PTPRT: variants seen among roughly 807,000 people sequenced by gnomAD.
PTPRT encodes protein tyrosine phosphatase receptor type T.
A neutral mutation model predicts 176.8 loss-of-function variants in PTPRT; 56 were observed. The observed-to-expected ratio is 0.32, with a 90% CI of 0.26 to 0.40. PTPRT has a LOEUF of 0.40. Ranked by LOEUF, PTPRT falls within the 10% of genes least tolerant of loss-of-function variation. The pLI is 1.00. For synonymous variants in PTPRT, 783 were observed against 739.0 expected (o/e 1.06, Z -0.96); for missense variants, 1,540 against 1,908.2 (o/e 0.81, Z 3.60).
At chr20:42,275,937 C>A (rs1356003751) in intron 13 of PTPRT, among the ~76,000 whole-genome samples, 1 of 152,128 alleles carries the variant, frequency 6.6e-6, no homozygotes, top group Non-Finnish European at 1.5e-5. Context: ...AACCCTCCAG[C>A]CACACAGTCT....
intron 6 of PTPRT, among the ~76,000 whole-genome samples, chr20:42,720,361 T>C (rs2076285939): frequency 6.6e-6 from 1 of 152,172 alleles, no homozygotes; most frequent in Admixed American, 6.5e-5. Context: ...GGTCACATGG[T>C]TGTGTCTGAC....
intron 1 of PTPRT, among the ~76,000 whole-genome samples, chr20:43,051,117 AG>A (rs2146232722): frequency 6.6e-6 from 1 of 152,354 alleles, no homozygotes; most frequent in South Asian, 2.1e-4. Flanking sequence ...AGGTGGAGAG[AG>A]GCTGAAAGCA....
intron 7 of PTPRT, among the ~76,000 whole-genome samples, chr20:42,554,198 G>A (rs946236803): frequency 6.6e-6 from 1 of 151,910 alleles, no homozygotes; most frequent in Non-Finnish European, 1.5e-5. Flanking sequence ...CCATTCAGGG[G>A]CATCCTTAAA....
chr20:43,056,346 C>T lies in PTPRT; in HGVS notation c.88+133300G>A, dbSNP rs73907486. On this transcript the variant is annotated intron_variant, in intron 1 of 30. Coordinates refer to ENST00000373187, the MANE Select transcript of PTPRT (RefSeq NM_007050.6). Reference sequence around the variant, plus strand: ...CTGAGTCCAGCCACAGGAATGCATCCTAGCCAATGAAATGGGTATGAAAGT... The same window carrying T: ...CTGAGTCCAGCCACAGGAATGCATCTTAGCCAATGAAATGGGTATGAAAGT... 6.2e-3 allele frequency among the ~76,000 whole-genome samples: 943 copies of T among 152,280 alleles called. 15 individuals carry two copies. The highest frequency in any genetic ancestry group is 0.022 in the African/African-American group (914 of 41,558).
intron 7 of PTPRT, among the ~76,000 whole-genome samples, chr20:42,512,778 CAGTTT>C (rs112453044): frequency 0.01 from 1,533 of 152,146 alleles, 19 homozygotes; most frequent in African/African-American, 0.035. Context: ...TTGGATGTGT[CAGTTT>C]AGTTAGATCT....
intron 1 of PTPRT, among the ~76,000 whole-genome samples, chr20:43,019,844 C>T (rs1370160286): frequency 6.6e-6 from 1 of 151,956 alleles, no homozygotes; most frequent in Non-Finnish European, 1.5e-5. Context: ...TGCCCTTGAA[C>T]ATGAGAATTT....
chr20:42,937,503 T>G (rs981740015), intron 1 of PTPRT, among the ~76,000 whole-genome samples: 3 of 152,206 alleles, frequency 2.0e-5, no homozygotes, highest in Middle Eastern at 3.2e-3. Context: ...CCCCCTCCAA[T>G]GTTACAGCTA....
rs1204066513 is a variant in PTPRT at position 42,270,446 on chromosome 20, C to T, written c.2176+12043G>A. 6.4e-6 allele frequency: 10 copies of T among 1,551,342 alleles called. No homozygotes were observed. The Admixed American group carries it at 1.4e-4, about 21-fold the overall frequency. On this transcript the variant is annotated intron_variant, in intron 13 of 30. Transcript: ENST00000373187. ...TCCCCGGGGTCACCTGGGCGCTGCC[C>T]ATTGGTGCTGACCACAAGGAAGCCA...
At chr20:43,142,447 C>T (rs1600743628) in intron 1 of PTPRT, among the ~76,000 whole-genome samples, 1 of 152,300 alleles carries the variant, frequency 6.6e-6, no homozygotes, top group Admixed American at 6.5e-5. Flanking sequence ...TCTCTCCCCT[C>T]AAAGAAGAGT....
chr20:42,381,424 C>T (rs554191251), intron 9 of PTPRT, among the ~76,000 whole-genome samples: 3 of 152,294 alleles, frequency 2.0e-5, no homozygotes, highest in South Asian at 2.1e-4. Flanking sequence ...GTGGCAGCTC[C>T]GTCAGCCCGG....
In PTPRT at chr20:42,232,650, C is replaced by T. The variant is rs145001023; in HGVS notation, c.2342+3579G>A. 2.6e-3 allele frequency among the ~76,000 whole-genome samples: 386 copies of T among 150,740 alleles called. 1 individual carries two copies. The highest frequency in any genetic ancestry group is 9.1e-3 in the African/African-American group (368 of 40,242). ...CCTCCTCCCCCACTCCCAGACTGTT[C>T]CCTGTCCCCAAACACCTCGCCTCCA... On this transcript the variant is annotated intron_variant, in intron 15 of 30. Transcript: ENST00000373187.
chr20:42,182,563 C>T (rs1252758383), intron 16 of PTPRT, among the ~76,000 whole-genome samples: 1 of 152,122 alleles, frequency 6.6e-6, no homozygotes, highest in African/African-American at 2.4e-5. Context: ...TTCTGAGCCT[C>T]TGTCATGTCT....
At chr20:42,114,801 G>A (rs10153986) in intron 22 of PTPRT, among the ~76,000 whole-genome samples, 5,727 of 152,208 alleles carry the variant, frequency 0.038, 390 homozygotes, top group African/African-American at 0.13. Context: ...CAGACTGCAT[G>A]TTTTTTCCTT....
chr20:42,215,994 A>G (rs1036508241), intron 15 of PTPRT, among the ~76,000 whole-genome samples: 1 of 152,184 alleles, frequency 6.6e-6, no homozygotes, highest in African/African-American at 2.4e-5. Context: ...CTGTATGTGG[A>G]TAGATGATGA....
rs2076371837 is a variant in PTPRT at position 42,725,903 on chromosome 20, C to G, written c.859+30559G>C. ...AAACTCTGACTCTGACCATCCCTCC[C>G]TCCCTCTTTTATGCCCCTTTTGATT... is the stretch of plus-strand genomic sequence containing the variant. On this transcript the variant is annotated intron_variant, in intron 6 of 30. Transcript: ENST00000373187. 2.0e-5 allele frequency among the ~76,000 whole-genome samples: 3 copies of G among 151,948 alleles called. 1 individual carries two copies. The South Asian group carries it at 6.2e-4, about 32-fold the overall frequency.
At chr20:42,260,943 G>A (rs1254137583) in intron 13 of PTPRT, among the ~76,000 whole-genome samples, 1 of 152,144 alleles carries the variant, frequency 6.6e-6, no homozygotes, top group African/African-American at 2.4e-5. Flanking sequence ...CTTGGCCAAG[G>A]TTTTCTTGAG....
intron 2 of PTPRT, among the ~76,000 whole-genome samples, chr20:42,827,362 C>G (rs1005294617): frequency 2.0e-5 from 3 of 152,136 alleles, no homozygotes; most frequent in Non-Finnish European, 4.4e-5. Context: ...ACTCTTAGAT[C>G]ACAGTGCAAT....
chr20:42,110,247 T>C (rs1471922425), intron 23 of PTPRT, 86 bp downstream of exon 23: 2 of 1,289,804 alleles, frequency 1.6e-6, no homozygotes, highest in Non-Finnish European at 1.1e-6. Context: ...AGACGAGGTT[T>C]CACCACGTTG....
At chr20:42,235,550 C>A (rs1475972231) in intron 15 of PTPRT, among the ~76,000 whole-genome samples, 3 of 152,102 alleles carry the variant, frequency 2.0e-5, no homozygotes, top group Admixed American at 2.0e-4. Context: ...TGAGCCACCG[C>A]ACCTGGCCCT....
Sources: gnomAD v4.1 joint callset for allele counts (sites outside exome capture counted in the v4.1 genomes callset) on GRCh38, gnomAD v4.1.1 for gene constraint, MANE v1.5 for transcripts, NCBI Gene and HGNC (gene_info 2026-07-23, HGNC 2026-07-21) for gene names.